FUT8: variants seen among roughly 807,000 people sequenced by gnomAD.
The protein encoded by FUT8 is alpha-(1,6)-fucosyltransferase.
In FUT8, 29 loss-of-function variants were observed where a neutral mutation model predicts 71.3. That is an observed-to-expected ratio of 0.41 (90% confidence interval 0.30 to 0.55). The LOEUF (loss-of-function observed/expected upper bound fraction) is 0.55. Among genes scored for constraint, FUT8 ranks in the 20% least tolerant of loss-of-function variants. FUT8 has a pLI of 0.34. For missense variants in FUT8, 544 were observed against 702.1 expected, an observed-to-expected ratio of 0.77 and a Z score of 2.55; for synonymous variants, 254 against 239.3, an observed-to-expected ratio of 1.06 and a Z score of -0.57.
intron 3 of FUT8, among the ~76,000 whole-genome samples, chr14:65,563,679 A>G (rs1294262624): frequency 2.0e-5 from 3 of 152,018 alleles, no homozygotes; most frequent in Non-Finnish European, 4.4e-5. Flanking sequence ...TTAGACTTAT[A>G]AATAATTGCT....
intron 3 of FUT8, among the ~76,000 whole-genome samples, chr14:65,596,724 C>CT (rs200146349): frequency 1.1e-3 from 169 of 149,208 alleles, no homozygotes; most frequent in African/African-American, 2.6e-3. Flanking sequence ...TGATATAACA[C>CT]TTTTTTTTTT....
At chr14:65,522,680 G>A (rs555837122) in intron 2 of FUT8, among the ~76,000 whole-genome samples, 12 of 151,876 alleles carry the variant, frequency 7.9e-5, no homozygotes, top group African/African-American at 1.9e-4. Flanking sequence ...CCATTAACTC[G>A]TCATTTATAT....
intron 7 of FUT8, among the ~76,000 whole-genome samples, chr14:65,694,705 A>G (rs2140455713): frequency 6.6e-6 from 1 of 152,192 alleles, no homozygotes; most frequent in East Asian, 1.9e-4. Context: ...ATGGAATACT[A>G]TGCAGCCATA....
intron 7 of FUT8, among the ~76,000 whole-genome samples, chr14:65,712,667 A>C (rs1190914112): frequency 8.5e-5 from 13 of 152,078 alleles, no homozygotes; most frequent in Non-Finnish European, 4.4e-5. Flanking sequence ...CTGATCTCAA[A>C]CTTCTGACCT....
chr14:65,508,052 C>T (rs930994611), intron 2 of FUT8, among the ~76,000 whole-genome samples: 4 of 148,824 alleles, frequency 2.7e-5, no homozygotes, highest in Non-Finnish European at 5.9e-5. Context: ...CTCTGATGAT[C>T]AGTGATGTTA....
chr14:65,527,551 C>T (rs562853056), intron 2 of FUT8, among the ~76,000 whole-genome samples: 1 of 152,284 alleles, frequency 6.6e-6, no homozygotes, highest in South Asian at 2.1e-4. Context: ...TCTGAAGCCT[C>T]TTATCTCAAC....
At chr14:65,474,065 T>C (rs929291677) in intron 2 of FUT8, among the ~76,000 whole-genome samples, 1 of 152,202 alleles carries the variant, frequency 6.6e-6, no homozygotes, top group Admixed American at 6.5e-5. Context: ...GAATACCATA[T>C]GTTCTCACAA....
chr14:65,440,498 T>C (rs2065637520), intron 1 of FUT8, among the ~76,000 whole-genome samples: 1 of 152,062 alleles, frequency 6.6e-6, no homozygotes, highest in South Asian at 2.1e-4. Flanking sequence ...AGATTTTAAG[T>C]GTCCTTACTA....
chr14:65,561,647 CTTGGTACGA>C lies in FUT8; in HGVS notation c.85_93del (p.Leu29_Arg31del). The C allele has an allele frequency of 3.1e-6, 5 of 1,613,520 alleles. No individual in the cohort carries two copies. The highest frequency in any genetic ancestry group is 4.2e-6 in the Non-Finnish European group (5 of 1,179,582). On this transcript the variant is annotated inframe_deletion, in exon 3 of 11. Transcript: ENST00000673929. ...CCTTGCTGTTTTATATAGGTGGTCACTTGGTACGAGATAATGACCATCCTGATCACTCTA... is the reference window on the plus strand; with the variant it reads ...CCTTGCTGTTTTATATAGGTGGTCACGATAATGACCATCCTGATCACTCTA...
rs1888393127 is a variant in FUT8, at chr14:65,603,083, A to G, written c.204-12895A>G. 6.6e-6 allele frequency among the ~76,000 whole-genome samples: 1 copy of G among 151,740 alleles called. No individual in the cohort carries two copies. The highest frequency in any genetic ancestry group is 2.4e-5 in the African/African-American group (1 of 41,346). On this transcript the variant is annotated intron_variant, in intron 3 of 10. Coordinates refer to ENST00000673929, the MANE Select transcript of FUT8 (RefSeq NM_001371533.1). The surrounding 1 kb of genome is among the most constrained non-coding windows in gnomAD (Gnocchi z 4.5). ...CCAATGTCTAGAAGGATTTTTTCCG[A>G]TGTTATTTTCTAGATTTTTTTATAG...
intron 10 of FUT8, among the ~76,000 whole-genome samples, chr14:65,740,333 C>CT (rs11448303): frequency 0.83 from 125,713 of 151,638 alleles, 52,366 homozygotes; most frequent in East Asian, 1. Context: ...AATATTGGGG[C>CT]AAATGTAGTT....
intron 3 of FUT8, among the ~76,000 whole-genome samples, chr14:65,576,408 G>T (rs1369875887): frequency 2.0e-5 from 3 of 152,094 alleles, no homozygotes; most frequent in African/African-American, 7.2e-5. Context: ...CTTGTCTTTT[G>T]TAGTCTCTGA....
chr14:65,684,734 T>G (rs1361100864), intron 7 of FUT8, among the ~76,000 whole-genome samples: 1 of 152,144 alleles, frequency 6.6e-6, no homozygotes, highest in East Asian at 1.9e-4. Flanking sequence ...CATCTGGCAT[T>G]TCCCCTGCTC....
chr14:65,612,953 G>A (rs781069306), intron 3 of FUT8, among the ~76,000 whole-genome samples: 5 of 151,996 alleles, frequency 3.3e-5, no homozygotes, highest in Non-Finnish European at 5.9e-5. Flanking sequence ...GAGACTGTTC[G>A]TGCATATTGA....
At chr14:65,392,241 G>C in the FUT8 span, among the ~76,000 whole-genome samples, 2 of 152,178 alleles carry the variant, frequency 1.3e-5, no homozygotes, top group Non-Finnish European at 2.9e-5. Context: ...TAACTTTTTT[G>C]TTAGAGGGCA....
intron 3 of FUT8, 46 bp from the exon 4 acceptor site, chr14:65,615,930 TGC>T: frequency 1.5e-6 from 2 of 1,313,698 alleles, no homozygotes; most frequent in Non-Finnish European, 2.2e-6. Context: ...TGTATTTTGT[TGC>T]ACAGTTTGAA....
intron 1 of FUT8, among the ~76,000 whole-genome samples, chr14:65,433,922 C>T (rs577830746): frequency 3.9e-5 from 6 of 152,242 alleles, no homozygotes; most frequent in African/African-American, 1.4e-4. Flanking sequence ...CTTCAGCCTC[C>T]TCAGTAGCTA....
intron 7 of FUT8, among the ~76,000 whole-genome samples, chr14:65,706,951 T>C (rs1471930828): frequency 6.6e-6 from 1 of 152,210 alleles, no homozygotes; most frequent in Non-Finnish European, 1.5e-5. Context: ...TGCTAACTTA[T>C]GTGTGATTTT....
At chr14:65,471,125 G>T in intron 2 of FUT8, 1 of 452,274 alleles carries the variant, frequency 2.2e-6, no homozygotes, top group South Asian at 1.6e-5. Flanking sequence ...GAGGGGGAAA[G>T]TTCTATAGTC....
Sources: gnomAD v4.1 joint callset for allele counts (sites outside exome capture counted in the v4.1 genomes callset) on GRCh38, gnomAD v4.1.1 for gene constraint, Gnocchi (gnomAD v3.1) non-coding constraint, MANE v1.5 for transcripts, NCBI Gene and HGNC (gene_info 2026-07-23, HGNC 2026-07-21) for gene names.